The following MYO9B variants were observed in gnomAD, a reference collection of about 807,000 sequenced individuals.
The protein encoded by MYO9B is myosin IXB, also known as unconventional myosin-IXb.
Under a neutral mutation model 229.5 loss-of-function variants are expected in MYO9B, and 71 were observed. That is an observed-to-expected ratio of 0.31 (90% CI 0.26 to 0.38). MYO9B has a LOEUF of 0.38. MYO9B is among the 10% of genes least tolerant of loss of function. The probability of loss-of-function intolerance (pLI) is 1.00; values close to 1 mark genes in which losing one functional copy is unlikely to be tolerated. For missense variants in MYO9B, 2,255 were observed against 2,920.5 expected, an observed-to-expected ratio of 0.77 and a Z score of 5.25; for synonymous variants, 1,185 against 1,235.8, an observed-to-expected ratio of 0.96 and a Z score of 0.86.
intron 2 of MYO9B, among the ~76,000 whole-genome samples, chr19:17,121,046 G>A (rs149810386): frequency 0.01 from 1,539 of 152,194 alleles, 32 homozygotes; most frequent in African/African-American, 0.036. Flanking sequence ...GGACTCAAGC[G>A]ATCCTCCCAC....
In MYO9B at chr19:17,103,197, A is replaced by C. The variant is rs1422602241; in HGVS notation, c.840+640A>C. On this transcript the variant is annotated intron_variant, in intron 2 of 39. Transcript: ENST00000682292. ...CTGCACTCCAGCCTGGGCAACAGAG[A>C]CAGACCCTGCCTCTAAAGAGAGAAA... The C allele has an allele frequency of 2.0e-5, 3 of 152,348 alleles. No individual in the cohort carries two copies. In the East Asian group the frequency reaches 5.8e-4, roughly 29 times the overall value. The allele number at this position is 152,348 out of a possible 1,614,324, so 9.4% of individuals were successfully genotyped here.
chr19:17,156,396 CAG>C (rs899417498), intron 6 of MYO9B, among the ~76,000 whole-genome samples: 46 of 152,160 alleles, frequency 3.0e-4, no homozygotes, highest in African/African-American at 1.0e-3. Context: ...GCCTGGGTGA[CAG>C]AGTGAGACCC....
intron 24 of MYO9B, 125 bp downstream of exon 24, chr19:17,198,433 C>T: frequency 7.4e-7 from 1 of 1,360,234 alleles, no homozygotes. Context: ...AAGGCATTTG[C>T]TCAGTAGAAA....
At chr19:17,110,226 A>G (rs977491998) in intron 2 of MYO9B, among the ~76,000 whole-genome samples, 27 of 152,178 alleles carry the variant, frequency 1.8e-4, no homozygotes, top group African/African-American at 6.3e-4. Context: ...ATGCTGACCA[A>G]AAAACAGGAA....
chr19:17,135,429 T>C (rs1158274315), intron 2 of MYO9B, among the ~76,000 whole-genome samples: 1 of 151,986 alleles, frequency 6.6e-6, no homozygotes, highest in African/African-American at 2.4e-5. Context: ...CTTCCTCCCT[T>C]CTGTCCACCC....
intron 14 of MYO9B, 80 bp downstream of exon 14, chr19:17,175,821 ATTCT>A (rs2145377674): frequency 1.5e-5 from 13 of 879,494 alleles, no homozygotes; most frequent in African/African-American, 1.9e-5. Context: ...GGAATGCTAC[ATTCT>A]TTTTTTTTTT....
intron 2 of MYO9B, among the ~76,000 whole-genome samples, chr19:17,105,552 C>A (rs1045505197): frequency 2.0e-5 from 3 of 152,062 alleles, no homozygotes; most frequent in African/African-American, 7.2e-5. Context: ...GAGCTCATTT[C>A]TTTTGCTGAA....
chr19:17,147,692 TTTTTTTTTTTG>T (rs2072429131), intron 3 of MYO9B, among the ~76,000 whole-genome samples: 1 of 134,492 alleles, frequency 7.4e-6, no homozygotes, highest in South Asian at 2.6e-4. Context: ...TTTTTTTTTT[TTTTTTTTTTTG>T]AGACAGAGTT....
intron 2 of MYO9B, among the ~76,000 whole-genome samples, chr19:17,113,079 AGTCAGCACCCGTCTGTCT>A (rs2057864207): frequency 6.6e-6 from 1 of 152,236 alleles, no homozygotes; most frequent in Non-Finnish European, 1.5e-5. Context: ...CAATACCTGC[AGTCAGCACCCGTCTGTCT>A]GTCAAAGGGT....
chr19:17,184,204 G>A (rs2072892118), intron 16 of MYO9B, among the ~76,000 whole-genome samples: 1 of 152,134 alleles, frequency 6.6e-6, no homozygotes, highest in African/African-American at 2.4e-5. Flanking sequence ...AGCTCTAGTG[G>A]GTTCATAGCA....
At chr19:17,189,947 C>T (rs2072963077) in intron 19 of MYO9B, among the ~76,000 whole-genome samples, 1 of 151,306 alleles carries the variant, frequency 6.6e-6, no homozygotes, top group Admixed American at 6.6e-5. Context: ...TGCCTGTAGT[C>T]CCAGCTACTC....
rs1019062995 is a variant in MYO9B at position 17,115,146 on chromosome 19, G to A, written c.840+12589G>A. Reference sequence around the variant, plus strand: ...TGGGACTACAGCCACGTGCCACCACGCCAGCAAGGTTTCATTTCCTTTGGT... The same window carrying A: ...TGGGACTACAGCCACGTGCCACCACACCAGCAAGGTTTCATTTCCTTTGGT... On this transcript the variant is annotated intron_variant, in intron 2 of 39. Coordinates refer to ENST00000682292, the MANE Select transcript of MYO9B (RefSeq NM_004145.4). 4.6e-5 allele frequency among the ~76,000 whole-genome samples: 7 copies of A among 152,050 alleles called. No individual in the cohort carries two copies. In the South Asian group the frequency reaches 6.2e-4, roughly 14 times the overall value.
intron 39 of MYO9B, 47 bp from the exon 40 acceptor site, chr19:17,211,848 C>T (rs770060076): frequency 1.9e-6 from 3 of 1,604,076 alleles, no homozygotes; most frequent in South Asian, 2.2e-5. Context: ...GGTCCTCCGG[C>T]TGCCGGCCCT....
chr19:17,174,091 C>T (rs1008406121), intron 13 of MYO9B, among the ~76,000 whole-genome samples: 14 of 135,230 alleles, frequency 1.0e-4, no homozygotes, highest in African/African-American at 3.9e-4. Context: ...AGTGCAGTGG[C>T]GCGATCTCGG....
chr19:17,110,320 A>G (rs1280198409), intron 2 of MYO9B, among the ~76,000 whole-genome samples: 1 of 152,162 alleles, frequency 6.6e-6, no homozygotes, highest in African/African-American at 2.4e-5. Context: ...CACCAAGTCT[A>G]GGGGCTGCAG....
intron 30 of MYO9B, among the ~76,000 whole-genome samples, chr19:17,203,570 G>C (rs2073130138): frequency 6.8e-6 from 1 of 147,728 alleles, no homozygotes; most frequent in African/African-American, 2.5e-5. Context: ...TCGAGATCGC[G>C]CCACTGCACC....
Position 17,191,129 on chromosome 19 carries a change from C to G in MYO9B, c.2721C>G (p.Pro907=). Residue 907 remains proline, a synonymous_variant, in exon 20 of 40, where the codon CCC becomes CCG. Coordinates refer to ENST00000682292, the MANE Select transcript of MYO9B (RefSeq NM_004145.4). ...DFTEQFQVLL[P]KDAQPCREVI... The stretch of plus-strand genomic sequence containing the variant: ...CCGAGCAGTTCCAGGTGCTCCTGCC[C>G]AAGGATGCCCAGCCCTGCAGGGAGG... 2 of 1,612,744 alleles carry G rather than the reference C, an allele frequency of 1.2e-6. No individual in the cohort carries two copies. Among genetic ancestry groups the G allele is most frequent in the Non-Finnish European group, 1.7e-6 (2 of 1,179,328 alleles).
At chr19:17,107,031 C>G (rs1169384688) in intron 2 of MYO9B, among the ~76,000 whole-genome samples, 1 of 150,074 alleles carries the variant, frequency 6.7e-6, no homozygotes, top group Non-Finnish European at 1.5e-5. Context: ...CCATTGCACT[C>G]CAGCCTGGGC....
intron 13 of MYO9B, 110 bp downstream of exon 13, chr19:17,173,073 G>A: frequency 7.8e-7 from 1 of 1,286,768 alleles, no homozygotes; most frequent in Non-Finnish European, 1.1e-6. Flanking sequence ...TCATTATGTT[G>A]TGCAAACGCC....
Sources: allele counts gnomAD v4.1 joint callset (sites outside exome capture counted in the v4.1 genomes callset), GRCh38; gene constraint gnomAD v4.1.1; transcripts MANE v1.5; gene names NCBI Gene and HGNC (gene_info 2026-07-23, HGNC 2026-07-21).